Variants in IQANK1 observed in about 807,000 individuals in gnomAD.
IQANK1 encodes the protein IQ motif and ankyrin repeat domain-containing protein 1.
In IQANK1, 30 loss-of-function variants were observed where a neutral mutation model predicts 22.6. That is an observed-to-expected ratio of 1.33 (90% CI 0.99 to 1.80). The LOEUF (loss-of-function observed/expected upper bound fraction) is 1.80. Among genes scored for constraint, IQANK1 ranks in the 40% most tolerant of loss-of-function variants. The pLI, the probability that IQANK1 is intolerant of heterozygous loss-of-function variation, is 0.00. For missense variants in IQANK1, 275 were observed against 235.2 expected, an observed-to-expected ratio of 1.17 and a Z score of -1.11; for synonymous variants, 122 against 99.6, an observed-to-expected ratio of 1.23 and a Z score of -1.34.
intron 7 of IQANK1, among the ~76,000 whole-genome samples, chr8:143,773,312 A>AG (rs1819618529): frequency 7.4e-6 from 1 of 135,016 alleles, no homozygotes; most frequent in African/African-American, 3.8e-5. Context: ...AAAAAAAAAA[A>AG]AAAACAAAAA....
chr8:143,761,639 G>T (rs1819399075), intron 3 of IQANK1, among the ~76,000 whole-genome samples: 1 of 152,102 alleles, frequency 6.6e-6, no homozygotes, highest in African/African-American at 2.4e-5. Flanking sequence ...TTAGCTGCCT[G>T]TAGTGCCAGC....
chr8:143,739,906 G>A lies in IQANK1; in HGVS notation c.133G>A (p.Ala45Thr). 1.4e-6 allele frequency: 1 copy of A among 698,340 alleles called. No homozygotes were observed. The highest frequency in any genetic ancestry group is 2.6e-6 in the Non-Finnish European group (1 of 383,114). The allele number at this position is 698,340 out of a possible 1,614,324, so 43.3% of individuals were successfully genotyped here. The change falls in exon 3 of 14, where the codon GCG becomes ACG. Residue 45 changes from alanine (A) to threonine (T), a missense_variant. By Grantham distance (58) the Ala-to-Thr change is moderately conservative. Coordinates refer to ENST00000527139, the MANE Select transcript of IQANK1 (RefSeq NM_001381874.1). ...GCCGCAGAGGAAAGCGGGCTGGCAG[G>A]CGAGGGAGCCCGCGTCGGCTGAGAG... is the stretch of plus-strand genomic sequence containing the variant. ...RPPQRKAGWQAREPASAESPQ... is the reference protein window; with the variant it reads ...RPPQRKAGWQTREPASAESPQ...
intron 3 of IQANK1, among the ~76,000 whole-genome samples, chr8:143,761,717 C>G (rs1270893568): frequency 6.6e-6 from 1 of 151,988 alleles, no homozygotes; most frequent in Non-Finnish European, 1.5e-5. Context: ...GATCTGAGAT[C>G]ACATCACTAT....
In IQANK1 at chr8:143,788,001, C is replaced by T. The variant is rs577294294; in HGVS notation, c.790-914C>T. Among the ~76,000 whole-genome samples, 9 of 152,312 alleles carry T rather than the reference C, an allele frequency of 5.9e-5. No individual in the cohort carries two copies. The South Asian group carries it at 1.2e-3, about 21-fold the overall frequency. On this transcript the variant is annotated intron_variant, in intron 7 of 13. Transcript: ENST00000527139. ...CTCTGCTCTCCAGCCAGCAGCTCCT[C>T]GGGCCCCGACTGTTTCGCAGGCCTA...
At chr8:143,762,382 C>T (rs1395856431) in intron 3 of IQANK1, among the ~76,000 whole-genome samples, 1 of 151,848 alleles carries the variant, frequency 6.6e-6, no homozygotes, top group South Asian at 2.1e-4. Flanking sequence ...ACAGTGTAGA[C>T]GGCTGGATGT....
intron 3 of IQANK1, among the ~76,000 whole-genome samples, chr8:143,743,672 G>A (rs1304260870): frequency 6.6e-6 from 1 of 152,178 alleles, no homozygotes; most frequent in Non-Finnish European, 1.5e-5. Flanking sequence ...TTTAACACCA[G>A]AACACGAAGC....
At chr8:143,783,275 C>T (rs1819830473) in intron 7 of IQANK1, among the ~76,000 whole-genome samples, 1 of 152,178 alleles carries the variant, frequency 6.6e-6, no homozygotes, top group Non-Finnish European at 1.5e-5. Flanking sequence ...TTTTTTAATG[C>T]AGACTCATGG....
chr8:143,752,053 C>A (rs1334713668), intron 3 of IQANK1, among the ~76,000 whole-genome samples: 2 of 152,060 alleles, frequency 1.3e-5, no homozygotes, highest in Non-Finnish European at 2.9e-5. Flanking sequence ...GCAACCTCTG[C>A]CTCCCAGGTT....
chr8:143,748,883 TATC>T (rs1554627634), intron 3 of IQANK1, among the ~76,000 whole-genome samples: 10 of 87,500 alleles, frequency 1.1e-4, no homozygotes, highest in African/African-American at 1.1e-3. Context: ...TAAATATATA[TATC>T]ATAAATACTT....
intron 7 of IQANK1, 57 bp downstream of exon 7, chr8:143,772,539 T>TAC (rs1563777123): frequency 2.3e-5 from 9 of 397,994 alleles, no homozygotes; most frequent in African/African-American, 1.7e-4. Context: ...GGTGTGGGCC[T>TAC]CGGGAGGTGT....
intron 11 of IQANK1, 34 bp downstream of exon 11, chr8:143,789,903 G>C (rs1554631994): frequency 8.1e-7 from 1 of 1,231,486 alleles, no homozygotes; most frequent in Non-Finnish European, 1.0e-6. Flanking sequence ...CTGGGGGCTG[G>C]GACATACAGC....
rs1046412958 is a variant in IQANK1 at position 143,771,352 on chromosome 8, C to A, written c.176-136C>A. ...CTGCGGGCGGGAACCCCGGCTCGGC[C>A]GCGCTGGGGGCTTTGAGAGCCGTTT... is the stretch of plus-strand genomic sequence containing the variant. On this transcript the variant is annotated intron_variant, in intron 3 of 13. Transcript: ENST00000527139. The surrounding 1 kb of genome is among the most constrained non-coding windows in gnomAD (Gnocchi z 6.0). The A allele has an allele frequency of 2.4e-5, 9 of 378,328 alleles. No homozygotes were observed. Among genetic ancestry groups the A allele is most frequent in the Non-Finnish European group, 3.6e-5 (8 of 219,934 alleles). 23.4% of individuals were successfully genotyped at this position (378,328 alleles called of 1,614,324 possible). A position where few individuals can be genotyped will look rare whatever the true frequency, so the allele number is the denominator to read the frequency against.
chr8:143,782,946 G>A (rs1318656490), intron 7 of IQANK1, among the ~76,000 whole-genome samples: 1 of 152,104 alleles, frequency 6.6e-6, no homozygotes, highest in East Asian at 1.9e-4. Context: ...CTGTTCTTTG[G>A]TATCTGGCTT....
rs530428133 is a variant in IQANK1, at chr8:143,750,092, C to T, written c.175+10144C>T. Among the ~76,000 whole-genome samples the T allele has an allele frequency of 1.4e-4, 22 of 151,990 alleles. No homozygotes were observed. In the East Asian group the frequency reaches 3.9e-3, roughly 27 times the overall value. ...CGTTCTCGGCTCACTGCAACCTCTG[C>T]CTCCTGGGTTCAAGCAATTCTCCTG... On this transcript the variant is annotated intron_variant, in intron 3 of 13. Transcript: ENST00000527139.
At chr8:143,734,458 T>C (rs1818666773) in intron 1 of IQANK1, among the ~76,000 whole-genome samples, 1 of 142,114 alleles carries the variant, frequency 7.0e-6, no homozygotes, top group Non-Finnish European at 1.5e-5. Flanking sequence ...TGCCCACACT[T>C]GTAGGGGACT....
At chr8:143,742,520 A>C in intron 3 of IQANK1, 1 of 455,830 alleles carries the variant, frequency 2.2e-6, no homozygotes, top group South Asian at 1.5e-5. Flanking sequence ...CCCCACAAAC[A>C]CCACAAACAC....
In IQANK1 at chr8:143,762,047, T is replaced by C. The variant is rs1041883008; in HGVS notation, c.176-9441T>C. Among the ~76,000 whole-genome samples the C allele has an allele frequency of 2.6e-5, 4 of 152,302 alleles. No homozygotes were observed. The East Asian group carries it at 7.7e-4, about 29-fold the overall frequency. ...ATGGGTGTCCAATCATTTATGGTAT[T>C]TGTATCCCATTCGTAAAGTAAGAGT... On this transcript the variant is annotated intron_variant, in intron 3 of 13. Coordinates refer to ENST00000527139, the MANE Select transcript of IQANK1 (RefSeq NM_001381874.1).
At chr8:143,737,890 A>T (rs1818785340) in intron 2 of IQANK1, among the ~76,000 whole-genome samples, 1 of 152,152 alleles carries the variant, frequency 6.6e-6, no homozygotes, top group Non-Finnish European at 1.5e-5. Flanking sequence ...GCTGGACCTC[A>T]TGGAGCCTCA....
intron 2 of IQANK1, among the ~76,000 whole-genome samples, chr8:143,736,140 T>A (rs555529769): frequency 3.8e-4 from 54 of 142,744 alleles, no homozygotes; most frequent in African/African-American, 1.2e-3. Context: ...AGCCTGAATC[T>A]ATTTTTTTTT....
Sources: allele counts gnomAD v4.1 joint callset (sites outside exome capture counted in the v4.1 genomes callset), GRCh38; gene constraint gnomAD v4.1.1; non-coding constraint Gnocchi (gnomAD v3.1); transcripts MANE v1.5; gene names NCBI Gene and HGNC (gene_info 2026-07-23, HGNC 2026-07-21).